SLC25A21: variants seen among roughly 807,000 people sequenced by gnomAD.
SLC25A21 encodes the protein mitochondrial 2-oxodicarboxylate carrier.
Under a neutral mutation model 43.8 loss-of-function variants are expected in SLC25A21, and 47 were observed. The observed-to-expected ratio is 1.07, with a 90% CI of 0.85 to 1.37. The LOEUF is 1.37. Among genes scored for constraint, SLC25A21 ranks in the 40% most tolerant of loss-of-function variants. The probability of loss-of-function intolerance (pLI) is 0.00; values close to 1 mark genes in which losing one functional copy is unlikely to be tolerated. For missense variants in SLC25A21, 352 were observed against 350.2 expected (o/e 1.00, Z -0.04); for synonymous variants, 131 against 121.3 (o/e 1.08, Z -0.52).
At chr14:37,059,238 C>T (rs1961893507) in intron 1 of SLC25A21, among the ~76,000 whole-genome samples, 1 of 152,046 alleles carries the variant, frequency 6.6e-6, no homozygotes, top group South Asian at 2.1e-4. Flanking sequence ...TCCCTTACAC[C>T]CATCCTATGA....
At chr14:36,826,871 C>A (rs148184430) in intron 2 of SLC25A21, among the ~76,000 whole-genome samples, 1 of 152,294 alleles carries the variant, frequency 6.6e-6, no homozygotes, top group Non-Finnish European at 1.5e-5. Flanking sequence ...GCCCCTCATG[C>A]GCCATCAATG....
intron 1 of SLC25A21, among the ~76,000 whole-genome samples, chr14:36,992,609 T>C (rs1349121123): frequency 6.6e-6 from 1 of 152,176 alleles, no homozygotes; most frequent in African/African-American, 2.4e-5. Flanking sequence ...TTTGTTAGCA[T>C]GCAGGTGGCT....
intron 1 of SLC25A21, among the ~76,000 whole-genome samples, chr14:37,128,054 CT>C (rs1475865296): frequency 6.6e-6 from 1 of 152,170 alleles, no homozygotes; most frequent in Non-Finnish European, 1.5e-5. Flanking sequence ...CTGGAAGGTA[CT>C]TTTGTTTATT....
chr14:36,809,460 C>T (rs1282843666), intron 3 of SLC25A21, among the ~76,000 whole-genome samples: 2 of 152,030 alleles, frequency 1.3e-5, no homozygotes, highest in Non-Finnish European at 2.9e-5. Context: ...GTTGAAAAGC[C>T]ATGTCTTTCA....
intron 1 of SLC25A21, among the ~76,000 whole-genome samples, chr14:36,951,987 C>T (rs577574394): frequency 6.6e-6 from 1 of 152,266 alleles, no homozygotes; most frequent in Admixed American, 6.5e-5. Context: ...GTAATCCCAG[C>T]ACTTTGGGAG....
chr14:37,076,704 G>C (rs531813053), intron 1 of SLC25A21, among the ~76,000 whole-genome samples: 2 of 151,840 alleles, frequency 1.3e-5, no homozygotes, highest in African/African-American at 4.8e-5. Context: ...GCCAGGCCTC[G>C]AACTCCTGAC....
chr14:36,830,664 G>C (rs1381951515), intron 2 of SLC25A21, among the ~76,000 whole-genome samples: 1 of 152,110 alleles, frequency 6.6e-6, no homozygotes, highest in African/African-American at 2.4e-5. Flanking sequence ...CTGTCATTAA[G>C]TTTGAGTATC....
intron 7 of SLC25A21, among the ~76,000 whole-genome samples, chr14:36,692,291 G>A (rs553043466): frequency 1.4e-4 from 21 of 152,260 alleles, no homozygotes; most frequent in Admixed American, 9.2e-4. Flanking sequence ...ATCCCAAAAC[G>A]CTGGCGGCTG....
chr14:37,151,458 T>C (rs1594819397), intron 1 of SLC25A21, among the ~76,000 whole-genome samples: 1 of 152,224 alleles, frequency 6.6e-6, no homozygotes, highest in Non-Finnish European at 1.5e-5. Flanking sequence ...CATTTAAAAA[T>C]CTGCAAAAAC....
rs529843172 is a variant in SLC25A21 at position 36,833,838 on chromosome 14, C to T, written c.120-19837G>A. On this transcript the variant is annotated intron_variant, in intron 2 of 9. Transcript: ENST00000331299. ...TGCTTCTTCTAAAAGTCCAACTTCC[C>T]CTATTGAAAAATTACTTAAACTTGT... Among the ~76,000 whole-genome samples, 3 of 152,274 alleles carry T rather than the reference C, an allele frequency of 2.0e-5. No homozygotes were observed. The East Asian group carries it at 5.8e-4, about 29-fold the overall frequency.
At chr14:36,779,178 A>T (rs1054702181) in intron 3 of SLC25A21, among the ~76,000 whole-genome samples, 2 of 147,462 alleles carry the variant, frequency 1.4e-5, no homozygotes, top group Non-Finnish European at 3.0e-5. Flanking sequence ...GCTGGATAAT[A>T]TTCTTTATAT....
chr14:37,143,021 C>T (rs747070948), intron 1 of SLC25A21, among the ~76,000 whole-genome samples: 4 of 152,148 alleles, frequency 2.6e-5, no homozygotes, highest in Non-Finnish European at 5.9e-5. Context: ...ACAGAATAAC[C>T]ACAAACAAAA....
chr14:37,145,929 A>C (rs1490933533), intron 1 of SLC25A21, among the ~76,000 whole-genome samples: 5 of 152,118 alleles, frequency 3.3e-5, no homozygotes, highest in Non-Finnish European at 1.5e-5. Flanking sequence ...TTTTGCAGCT[A>C]TCAGGAATAA....
chr14:36,785,503 G>T (rs1887216160), intron 3 of SLC25A21, among the ~76,000 whole-genome samples: 1 of 152,162 alleles, frequency 6.6e-6, no homozygotes, highest in Non-Finnish European at 1.5e-5. Context: ...GGATTATTGA[G>T]ACAACAGCCA....
intron 6 of SLC25A21, among the ~76,000 whole-genome samples, chr14:36,714,400 G>A (rs1467689987): frequency 6.6e-6 from 1 of 152,184 alleles, no homozygotes; most frequent in Non-Finnish European, 1.5e-5. Flanking sequence ...TTCAATGCTT[G>A]GGGTAGAGAT....
At chr14:36,937,762 A>G (rs1331746840) in intron 1 of SLC25A21, among the ~76,000 whole-genome samples, 4 of 152,204 alleles carry the variant, frequency 2.6e-5, no homozygotes, top group Non-Finnish European at 5.9e-5. Flanking sequence ...CCATCCCCAC[A>G]GAGGACACAG....
chr14:37,022,971 A>AT (rs1961019018), intron 1 of SLC25A21, among the ~76,000 whole-genome samples: 1 of 152,054 alleles, frequency 6.6e-6, no homozygotes, highest in Non-Finnish European at 1.5e-5. Flanking sequence ...AAAACTCTTG[A>AT]TGCAGACATG....
chr14:36,739,425 C>T (rs1193604579), intron 3 of SLC25A21, among the ~76,000 whole-genome samples: 2 of 151,988 alleles, frequency 1.3e-5, no homozygotes, highest in African/African-American at 4.8e-5. Flanking sequence ...CACCTGTAAT[C>T]CCAGCACTTC....
intron 1 of SLC25A21, among the ~76,000 whole-genome samples, chr14:36,892,797 T>C (rs1234358678): frequency 6.6e-6 from 1 of 150,872 alleles, no homozygotes; most frequent in Non-Finnish European, 1.5e-5. Context: ...GAACATGCGG[T>C]GTTTGGTTTT....
Sources: allele counts gnomAD v4.1 joint callset (sites outside exome capture counted in the v4.1 genomes callset), GRCh38; gene constraint gnomAD v4.1.1; transcripts MANE v1.5; gene names NCBI Gene and HGNC (gene_info 2026-07-23, HGNC 2026-07-21).